Variants in MYO5C observed in about 807,000 individuals in gnomAD.
MYO5C encodes the protein unconventional myosin-Vc.
A neutral mutation model predicts 235.7 loss-of-function variants in MYO5C; 194 were observed. The observed-to-expected ratio is 0.82, with a 90% CI of 0.73 to 0.93. MYO5C has a LOEUF of 0.93. Among genes scored for constraint, MYO5C ranks in the 40% least tolerant of loss-of-function variants. The probability of loss-of-function intolerance (pLI) is 0.00; values close to 1 mark genes in which losing one functional copy is unlikely to be tolerated. For missense variants in MYO5C, 2,038 were observed against 2,127.2 expected (o/e 0.96, Z 0.82); for synonymous variants, 707 against 754.8 (o/e 0.94, Z 1.04).
At chr15:52,211,660 G>T in intron 35 of MYO5C, 70 bp downstream of exon 35, 1 of 1,519,072 alleles carries the variant, frequency 6.6e-7, no homozygotes, top group Non-Finnish European at 9.0e-7. Context: ...GCTCAGGATG[G>T]GCAAAGACTG....
chr15:52,291,484 C>T (rs1321381825), intron 1 of MYO5C, among the ~76,000 whole-genome samples: 1 of 151,990 alleles, frequency 6.6e-6, no homozygotes, highest in African/African-American at 2.4e-5. Context: ...TGGTGCCTTT[C>T]TTATGTCTTC....
Position 52,242,063 on chromosome 15 carries a change from C to G in MYO5C, c.2541G>C (p.Arg847Ser). 6.2e-7 allele frequency: 1 copy of G among 1,612,342 alleles called. No individual in the cohort carries two copies. The highest frequency in any genetic ancestry group is 1.1e-5 in the South Asian group (1 of 90,844). ...TTGGCCTCACCTTTCGATACCTCCT[C>G]CTTGCCAGGAATCCTCGGCTGTAGG... The part of the protein sequence containing the change: ...MQAYSRGFLA[R>S]RRYRKMLEEH... Residue 847 changes from arginine to serine, a missense_variant, in exon 20 of 41, where the codon AGG (arginine) becomes AGC (serine). Coordinates refer to ENST00000261839, the MANE Select transcript of MYO5C (RefSeq NM_018728.4).
At chr15:52,286,481 A>G (rs372016260) in intron 1 of MYO5C, among the ~76,000 whole-genome samples, 4 of 151,980 alleles carry the variant, frequency 2.6e-5, no homozygotes, top group Admixed American at 6.5e-5. Context: ...TGACAATGGC[A>G]GTTTTGTGGA....
In MYO5C at chr15:52,195,466, G is replaced by C; in HGVS notation, c.4996-9C>G. 1 of 1,588,436 alleles carries C rather than the reference G, an allele frequency of 6.3e-7. No individual in the cohort carries two copies. The highest frequency in any genetic ancestry group is 8.6e-7 in the Non-Finnish European group (1 of 1,159,266). On this transcript the variant is annotated splice_polypyrimidine_tract_variant and intron_variant, in intron 39 of 40. Coordinates refer to ENST00000261839, the MANE Select transcript of MYO5C (RefSeq NM_018728.4). ...TTAAGGATCTTTATGATCTGCAAAC[G>C]GTACATAACATGGTGTTAGACCATG...
intron 29 of MYO5C, among the ~76,000 whole-genome samples, chr15:52,222,600 C>T (rs2141287824): frequency 6.6e-6 from 1 of 150,392 alleles, no homozygotes; most frequent in Non-Finnish European, 1.5e-5. Context: ...CAGAGTCAGC[C>T]AGTGGTGGGG....
Position 52,247,506 on chromosome 15 carries a change from T to C in MYO5C, c.1833A>G (p.Gln611=). ...GSMITVKSAK[Q]VIKPNSKHFR... is the part of the protein sequence containing the mutation. ...AATGCTTGCTGTTTGGCTTGATGAC[T>C]TGCTTTGCAGATTTAACTGTAATCA... The change falls in exon 15 of 41, where the codon CAA becomes CAG. Residue 611 remains glutamine, a synonymous_variant. Coordinates refer to ENST00000261839, the MANE Select transcript of MYO5C (RefSeq NM_018728.4). The C allele has an allele frequency of 6.2e-7, 1 of 1,614,222 alleles. No homozygotes were observed.
At position 52,275,639 on chromosome 15, in the gene MYO5C, AC is replaced by A. The variant is rs1448995205; in HGVS notation, c.528del (p.Arg176SerfsTer58). On this transcript the variant is annotated frameshift_variant, in exon 5 of 41. Coordinates refer to ENST00000261839, the MANE Select transcript of MYO5C (RefSeq NM_018728.4). LOFTEE classifies it high-confidence loss of function. ...CCCGATTTGCTGACGGTGGCAAAGTACCTCATGGCATAGCGAGCCGACACTG... is the reference window on the plus strand; with the variant it reads ...CCCGATTTGCTGACGGTGGCAAAGTACTCATGGCATAGCGAGCCGACACTG... The part of the protein sequence containing the change: ...GKTVSARYAM[R>X]YFATVSKSGS... 1.9e-6 allele frequency: 3 copies of A among 1,614,000 alleles called. No homozygotes were observed. Among genetic ancestry groups the A allele is most frequent in the Non-Finnish European group, 2.5e-6 (3 of 1,180,014 alleles).
At chr15:52,288,559 G>GT (rs1175205444) in intron 1 of MYO5C, among the ~76,000 whole-genome samples, 1 of 152,162 alleles carries the variant, frequency 6.6e-6, no homozygotes, top group Non-Finnish European at 1.5e-5. Context: ...TCAGCTCCGG[G>GT]TAAGTTCCAC....
At chr15:52,250,482 G>A (rs900349476) in intron 13 of MYO5C, among the ~76,000 whole-genome samples, 8 of 151,994 alleles carry the variant, frequency 5.3e-5, no homozygotes, top group African/African-American at 1.9e-4. Flanking sequence ...GGTCTCAAGC[G>A]ATCCACCCGC....
chr15:52,215,909 G>A (rs1173028255), intron 32 of MYO5C, among the ~76,000 whole-genome samples: 3 of 151,922 alleles, frequency 2.0e-5, no homozygotes, highest in Non-Finnish European at 4.4e-5. Flanking sequence ...TTTAACCTTT[G>A]CTCTATTGTT....
Position 52,214,706 on chromosome 15 carries a change from G to T in MYO5C, c.3955-16C>A. On this transcript the variant is annotated splice_polypyrimidine_tract_variant and intron_variant, in intron 32 of 40. Coordinates refer to ENST00000261839, the MANE Select transcript of MYO5C (RefSeq NM_018728.4). ...CTTCAAGATCCTACAGCAATAAAAA[G>T]AAACCAGGATTTAGCTTAGAAGCAC... 6.5e-7 allele frequency: 1 copy of T among 1,536,906 alleles called. No individual in the cohort carries two copies. Among genetic ancestry groups the T allele is most frequent in the South Asian group, 1.2e-5 (1 of 81,692 alleles).
rs1339695087 is a variant in MYO5C at position 52,271,986 on chromosome 15, GC to G, written c.751-143del. 15 of 457,440 alleles carry G rather than the reference GC, an allele frequency of 3.3e-5. No individual in the cohort carries two copies. The East Asian group carries it at 5.1e-4, about 15-fold the overall frequency. 28.3% of individuals were successfully genotyped at this position (457,440 alleles called of 1,614,324 possible). Reference sequence around the variant, plus strand: ...TGTGATCTGGCCAGTTCACAAGCAGGCCCTTCCTCTCAGCTGAGAACTGGGT... The same window carrying G: ...TGTGATCTGGCCAGTTCACAAGCAGGCCTTCCTCTCAGCTGAGAACTGGGT... On this transcript the variant is annotated intron_variant, in intron 6 of 40. Transcript: ENST00000261839.
intron 21 of MYO5C, 27 bp downstream of exon 21, chr15:52,239,706 T>C (rs369537383): frequency 3.6e-5 from 56 of 1,563,600 alleles, no homozygotes; most frequent in Non-Finnish European, 4.5e-5. Context: ...AAAAAGTAAA[T>C]GTAAAAGATG....
rs2141334249 is a variant in MYO5C at position 52,251,374 on chromosome 15, G to A, written c.1662+16C>T. 8 of 1,586,616 alleles carry A rather than the reference G, an allele frequency of 5.0e-6. No homozygotes were observed. The highest frequency in any genetic ancestry group is 2.3e-5 in the East Asian group (1 of 43,632). ...GGTTCCGGGGTTGACAGCATTGATG[G>A]AGACCTTCACGGTACCTTATCAGCA... On this transcript the variant is annotated intron_variant, in intron 13 of 40. Transcript: ENST00000261839.
intron 23 of MYO5C, 26 bp from the exon 24 acceptor site, chr15:52,232,711 A>G (rs747253841): frequency 2.5e-6 from 4 of 1,599,888 alleles, no homozygotes; most frequent in East Asian, 2.2e-5. Flanking sequence ...GCTTTTTGAG[A>G]TATGTCTGCC....
chr15:52,286,249 G>A (rs1452421215), intron 1 of MYO5C, among the ~76,000 whole-genome samples: 4 of 150,058 alleles, frequency 2.7e-5, no homozygotes, highest in South Asian at 2.1e-4. Flanking sequence ...CAGGCCAGCC[G>A]CCTCGTCTGG....
intron 14 of MYO5C, among the ~76,000 whole-genome samples, chr15:52,247,873 C>A (rs2036387015): frequency 6.6e-6 from 1 of 152,166 alleles, no homozygotes; most frequent in African/African-American, 2.4e-5. Flanking sequence ...ACTATTCTCA[C>A]CTCCGTGCCT....
intron 4 of MYO5C, among the ~76,000 whole-genome samples, chr15:52,277,508 GGCCCCAGT>G (rs1242863323): frequency 5.9e-5 from 9 of 152,124 alleles, no homozygotes; most frequent in African/African-American, 2.2e-4. Flanking sequence ...TTAGGGACTA[GGCCCCAGT>G]GGCCAGGCAG....
chr15:52,245,262 G>T, intron 18 of MYO5C, 92 bp downstream of exon 18: 1 of 903,016 alleles, frequency 1.1e-6, no homozygotes, highest in Admixed American at 1.7e-5. Context: ...CATGATTACA[G>T]TCCTGAGCAT....
Sources: gnomAD v4.1 joint callset for allele counts (sites outside exome capture counted in the v4.1 genomes callset) on GRCh38, gnomAD v4.1.1 for gene constraint, MANE v1.5 for transcripts, NCBI Gene and HGNC (gene_info 2026-07-23, HGNC 2026-07-21) for gene names.